EXOC4: variants seen among roughly 807,000 people sequenced by gnomAD.
EXOC4 encodes SEC8-like 1.
In EXOC4, 71 loss-of-function variants were observed where a neutral mutation model predicts 107.2. The ratio of observed to expected loss-of-function variants is 0.66; its 90% CI spans 0.55 to 0.81. The LOEUF (loss-of-function observed/expected upper bound fraction) is 0.81. Among genes scored for constraint, EXOC4 ranks in the 30% least tolerant of loss-of-function variants. EXOC4 has a pLI of 0.00. For synonymous variants in EXOC4, 456 were observed against 441.2 expected (o/e 1.03, Z -0.42); for missense variants, 1,108 against 1,189.6 (o/e 0.93, Z 1.01).
At chr7:133,272,503 G>T (rs1032267478) in intron 1 of EXOC4, among the ~76,000 whole-genome samples, 4 of 152,036 alleles carry the variant, frequency 2.6e-5, no homozygotes, top group Non-Finnish European at 4.4e-5. Flanking sequence ...GTGCAACACA[G>T]CTGGCTCCTG....
Position 133,937,945 on chromosome 7 carries a change from A to C in EXOC4, c.2082A>C (p.Leu694Phe). ...EVLIGNLGDK[L>F]IPPQDILRDV... The stretch of plus-strand genomic sequence containing the variant: ...TTATTGGGAACCTGGGTGATAAATT[A>C]ATCCCTCCACAAGACATCCTTCGTG... The change falls in exon 14 of 18, where the codon TTA becomes TTC. Residue 694 changes from leucine (L) to phenylalanine (F), a missense_variant. Transcript: ENST00000253861. 6.2e-7 allele frequency: 1 copy of C among 1,614,188 alleles called. No individual in the cohort carries two copies. Among genetic ancestry groups the C allele is most frequent in the South Asian group, 1.1e-5 (1 of 91,086 alleles).
intron 10 of EXOC4, among the ~76,000 whole-genome samples, chr7:133,709,419 C>A (rs1047315346): frequency 6.6e-6 from 1 of 152,188 alleles, no homozygotes; most frequent in Non-Finnish European, 1.5e-5. Context: ...TCTGCCCCAG[C>A]AGGTGAGAGT....
At chr7:133,266,421 A>G (rs1382055148) in intron 1 of EXOC4, among the ~76,000 whole-genome samples, 3 of 152,218 alleles carry the variant, frequency 2.0e-5, no homozygotes, top group Non-Finnish European at 2.9e-5. Context: ...CACTCTTATT[A>G]TTTTGATAAA....
intron 10 of EXOC4, among the ~76,000 whole-genome samples, chr7:133,783,688 G>A (rs1005815656): frequency 6.6e-6 from 1 of 152,158 alleles, no homozygotes; most frequent in Non-Finnish European, 1.5e-5. Flanking sequence ...TAGATGATTT[G>A]GAAAGGAAGA....
At chr7:133,547,570 A>T (rs957612998) in intron 9 of EXOC4, among the ~76,000 whole-genome samples, 1 of 152,182 alleles carries the variant, frequency 6.6e-6, no homozygotes, top group African/African-American at 2.4e-5. Context: ...ATTGGAGTCA[A>T]TCCCCTCAAA....
intron 7 of EXOC4, among the ~76,000 whole-genome samples, chr7:133,466,977 G>A (rs187768479): frequency 9.9e-5 from 15 of 152,114 alleles, no homozygotes; most frequent in Non-Finnish European, 1.2e-4. Context: ...TGAGAAACCC[G>A]CAACTAGCAT....
chr7:133,850,202 T>G (rs2116250134), intron 11 of EXOC4, among the ~76,000 whole-genome samples: 1 of 152,316 alleles, frequency 6.6e-6, no homozygotes, highest in South Asian at 2.1e-4. Context: ...TTCCACATTT[T>G]TAGCCTAGAG....
chr7:133,268,991 T>A (rs1047777076), intron 1 of EXOC4, among the ~76,000 whole-genome samples: 1 of 152,212 alleles, frequency 6.6e-6, no homozygotes, highest in Non-Finnish European at 1.5e-5. Context: ...CTCCATGAAC[T>A]TGACAATAAT....
intron 7 of EXOC4, among the ~76,000 whole-genome samples, chr7:133,437,553 T>G (rs1798004121): frequency 1.3e-5 from 2 of 152,330 alleles, no homozygotes; most frequent in Middle Eastern, 3.4e-3. Context: ...CACTAAAATT[T>G]TCCGTAATAT....
At chr7:133,283,031 A>G (rs1794193189) in intron 2 of EXOC4, among the ~76,000 whole-genome samples, 1 of 152,160 alleles carries the variant, frequency 6.6e-6, no homozygotes. Flanking sequence ...TAATGCCAAT[A>G]TTCATCTTTC....
intron 2 of EXOC4, among the ~76,000 whole-genome samples, chr7:133,284,364 T>C (rs1185260228): frequency 1.3e-5 from 2 of 152,138 alleles, no homozygotes; most frequent in Non-Finnish European, 2.9e-5. Context: ...AGGAAAAAGC[T>C]GAGAACTATA....
In EXOC4 at chr7:133,817,476, G is replaced by T; in HGVS notation, c.1666G>T (p.Asp556Tyr). The change falls in exon 11 of 18, where the codon GAC (aspartate) becomes TAC (tyrosine). Residue 556 changes from aspartate to tyrosine, a missense_variant. Coordinates refer to ENST00000253861, the MANE Select transcript of EXOC4 (RefSeq NM_021807.4). Reference sequence around the variant, plus strand: ...GATTGAAGGAGTCACTAAAACATCTGACCCTTTGAAGATTCTGGCCAACGC... The same window carrying T: ...GATTGAAGGAGTCACTAAAACATCTTACCCTTTGAAGATTCTGGCCAACGC... ...KEIEGVTKTSDPLKILANADT... is the reference protein window; with the variant it reads ...KEIEGVTKTSYPLKILANADT... 6.2e-7 allele frequency: 1 copy of T among 1,614,110 alleles called. No homozygotes were observed. Among genetic ancestry groups the T allele is most frequent in the Non-Finnish European group, 8.5e-7 (1 of 1,180,008 alleles).
At chr7:134,044,912 T>C (rs1027491365) in intron 17 of EXOC4, among the ~76,000 whole-genome samples, 7 of 152,220 alleles carry the variant, frequency 4.6e-5, no homozygotes, top group South Asian at 2.1e-4. Flanking sequence ...CTCAGCAGTT[T>C]TCCTGGAATG....
intron 9 of EXOC4, among the ~76,000 whole-genome samples, chr7:133,602,654 G>A (rs1020372860): frequency 6.6e-6 from 1 of 152,238 alleles, no homozygotes; most frequent in African/African-American, 2.4e-5. Context: ...AAGCTGCCAT[G>A]ATGAGAAGGT....
chr7:133,993,476 G>C (rs1239039423), intron 14 of EXOC4, among the ~76,000 whole-genome samples: 1 of 152,158 alleles, frequency 6.6e-6, no homozygotes, highest in African/African-American at 2.4e-5. Context: ...AGTTATAATG[G>C]AAATGAGGGT....
chr7:133,666,800 T>C (rs1793824104), intron 10 of EXOC4, among the ~76,000 whole-genome samples: 2 of 152,206 alleles, frequency 1.3e-5, no homozygotes, highest in African/African-American at 4.8e-5. Flanking sequence ...TAGGACCCAG[T>C]AGTATACAAT....
At position 133,748,228 on chromosome 7, in the gene EXOC4, A is replaced by G. The variant is rs568511889; in HGVS notation, c.1515-69097A>G. ...TTCTACCTGGCCTAAGATTTCTACCATGATAGTTAATACTTTGGCTTAGAC... is the reference window on the plus strand; with the variant it reads ...TTCTACCTGGCCTAAGATTTCTACCGTGATAGTTAATACTTTGGCTTAGAC... On this transcript the variant is annotated intron_variant, in intron 10 of 17. Transcript: ENST00000253861. Among the ~76,000 whole-genome samples, 32 of 152,266 alleles carry G rather than the reference A, an allele frequency of 2.1e-4. No individual in the cohort carries two copies. The East Asian group carries it at 5.8e-3, about 28-fold the overall frequency.
intron 3 of EXOC4, among the ~76,000 whole-genome samples, chr7:133,294,120 C>T (rs1463446402): frequency 6.6e-6 from 1 of 152,146 alleles, no homozygotes; most frequent in Non-Finnish European, 1.5e-5. Context: ...TTACAGGTTT[C>T]ATTATCACTC....
At chr7:133,525,175 T>G (rs910450995) in intron 9 of EXOC4, among the ~76,000 whole-genome samples, 2 of 152,184 alleles carry the variant, frequency 1.3e-5, no homozygotes, top group African/African-American at 4.8e-5. Flanking sequence ...GGATTTTGGA[T>G]GGAGGAAAAT....
Sources: allele counts gnomAD v4.1 joint callset (sites outside exome capture counted in the v4.1 genomes callset), GRCh38; gene constraint gnomAD v4.1.1; transcripts MANE v1.5; gene names NCBI Gene and HGNC (gene_info 2026-07-23, HGNC 2026-07-21).